The following ARMC8 variants were observed in gnomAD, a reference collection of about 807,000 sequenced individuals.
ARMC8 encodes armadillo repeat-containing protein 8.
A neutral mutation model predicts 99.3 loss-of-function variants in ARMC8; 20 were observed. The ratio of observed to expected loss-of-function variants is 0.20; its 90% CI spans 0.14 to 0.29. The LOEUF is 0.29. Among genes scored for constraint, ARMC8 ranks in the 10% least tolerant of loss-of-function variants. ARMC8 has a pLI of 1.00. For missense variants in ARMC8, 569 were observed against 809.5 expected, an observed-to-expected ratio of 0.70 and a Z score of 3.60; for synonymous variants, 263 against 278.3, an observed-to-expected ratio of 0.95 and a Z score of 0.55.
intron 7 of ARMC8, among the ~76,000 whole-genome samples, chr3:138,236,074 G>A (rs1576715147): frequency 6.6e-6 from 1 of 152,220 alleles, no homozygotes; most frequent in South Asian, 2.1e-4. Flanking sequence ...CCAAAGTGCT[G>A]GGATTACAGG....
intron 12 of ARMC8, among the ~76,000 whole-genome samples, chr3:138,253,368 A>C (rs2047231169): frequency 6.6e-6 from 1 of 152,186 alleles, no homozygotes; most frequent in Non-Finnish European, 1.5e-5. Context: ...CAGATCAGGA[A>C]ATCAGCAATT....
intron 6 of ARMC8, among the ~76,000 whole-genome samples, chr3:138,234,499 T>G (rs2046231689): frequency 6.6e-6 from 1 of 152,224 alleles, no homozygotes; most frequent in Non-Finnish European, 1.5e-5. Flanking sequence ...GTGTTGTGTT[T>G]CCCACTATAG....
At chr3:138,287,575 TATTG>T (rs1025288557) in intron 19 of ARMC8, 1 of 454,918 alleles carries the variant, frequency 2.2e-6, no homozygotes, top group African/African-American at 2.0e-5. Context: ...ATTCAACAAA[TATTG>T]ATTGATTGTC....
intron 12 of ARMC8, among the ~76,000 whole-genome samples, chr3:138,261,023 G>A (rs186965338): frequency 1.4e-3 from 206 of 152,246 alleles, no homozygotes; most frequent in African/African-American, 4.7e-3. Context: ...TGAAACTTTT[G>A]CCCTAGGCTT....
At chr3:138,193,409 T>A (rs1275946663) in intron 1 of ARMC8, among the ~76,000 whole-genome samples, 1 of 151,688 alleles carries the variant, frequency 6.6e-6, no homozygotes, top group Non-Finnish European at 1.5e-5. Flanking sequence ...TACAGGCGTG[T>A]GCCACCGCGC....
At chr3:138,194,668 T>C (rs1468233025) in intron 1 of ARMC8, among the ~76,000 whole-genome samples, 1 of 152,008 alleles carries the variant, frequency 6.6e-6, no homozygotes, top group Admixed American at 6.6e-5. Context: ...GAAAAATAGC[T>C]GTTAGAACTG....
intron 11 of ARMC8, among the ~76,000 whole-genome samples, chr3:138,243,529 T>C (rs1336397240): frequency 2.3e-4 from 35 of 152,208 alleles, no homozygotes; most frequent in Admixed American, 2.3e-3. Flanking sequence ...TTAGAACTTA[T>C]CAAAGTGAGT....
chr3:138,235,072 A>G lies in ARMC8; in HGVS notation c.567A>G (p.Ala189=). ...DHQTILFNHG[A]VQNIAHLLTS... Reference sequence around the variant, plus strand: ...AAACAATTTTATTTAACCACGGTGCAGTTCAGAATATTGCTCACCTACTAA... The same window carrying G: ...AAACAATTTTATTTAACCACGGTGCGGTTCAGAATATTGCTCACCTACTAA... Residue 189 remains alanine (A), a synonymous_variant, in exon 7 of 22, where the codon GCA becomes GCG. Transcript: ENST00000469044. 1 of 1,613,996 alleles carries G rather than the reference A, an allele frequency of 6.2e-7. No homozygotes were observed. Among genetic ancestry groups the G allele is most frequent in the African/African-American group, 1.3e-5 (1 of 75,042 alleles).
intron 3 of ARMC8, 38 bp downstream of exon 3, chr3:138,222,035 C>G (rs756692084): frequency 6.6e-7 from 1 of 1,506,614 alleles, no homozygotes; most frequent in South Asian, 1.1e-5. Flanking sequence ...GCCATTCATA[C>G]TAGTTTCTAA....
At chr3:138,203,857 T>C (rs1280098893) in intron 1 of ARMC8, among the ~76,000 whole-genome samples, 6 of 152,252 alleles carry the variant, frequency 3.9e-5, no homozygotes, top group Admixed American at 3.9e-4. Context: ...TCCCCAGCTC[T>C]CTTATTCATG....
chr3:138,245,830 A>C, intron 12 of ARMC8: 1 of 985,816 alleles, frequency 1.0e-6, no homozygotes, highest in Non-Finnish European at 1.2e-6. Context: ...GTATAGTGGT[A>C]AGTAAGCTCT....
intron 12 of ARMC8, chr3:138,262,304 GT>G: frequency 2.1e-6 from 1 of 481,892 alleles, no homozygotes; most frequent in Non-Finnish European, 3.7e-6. Flanking sequence ...ATGGAATTAG[GT>G]TTGGTCTAGG....
chr3:138,268,241 TAA>T (rs1441408443), intron 15 of ARMC8, among the ~76,000 whole-genome samples: 1 of 151,876 alleles, frequency 6.6e-6, no homozygotes, highest in Non-Finnish European at 1.5e-5. Context: ...AGACTCCATC[TAA>T]AAAATAAAAC....
chr3:138,275,022 T>G (rs1189337393), intron 18 of ARMC8, among the ~76,000 whole-genome samples: 1 of 152,208 alleles, frequency 6.6e-6, no homozygotes, highest in Non-Finnish European at 1.5e-5. Context: ...TTCCATTAAG[T>G]TTCAGGAGGG....
At chr3:138,208,088 GTT>G (rs34408382) in intron 1 of ARMC8, among the ~76,000 whole-genome samples, 1 of 146,450 alleles carries the variant, frequency 6.8e-6, no homozygotes, top group African/African-American at 2.5e-5. Flanking sequence ...CGGCATCTCT[GTT>G]TTTTTTTTTT....
In ARMC8 at chr3:138,263,775, A is replaced by T; in HGVS notation, c.1171A>T (p.Thr391Ser). ...TGAAAATATGATGGACCGAATTGTG[A>T]CTGGCTTGTCTGAGTCTAGTGTCAA... The part of the protein sequence containing the change: ...ETENMMDRIV[T>S]GLSESSVKVR... Residue 391 changes from threonine (T) to serine (S), a missense_variant, in exon 13 of 22, where the codon ACT (threonine) becomes TCT (serine). Physicochemically the swap from Thr to Ser is moderately conservative, Grantham distance 58 (BLOSUM62 1). Transcript: ENST00000469044. The T allele has an allele frequency of 1.2e-6, 2 of 1,614,018 alleles. No individual in the cohort carries two copies. Among genetic ancestry groups the T allele is most frequent in the African/African-American group, 2.7e-5 (2 of 75,042 alleles).
intron 12 of ARMC8, among the ~76,000 whole-genome samples, chr3:138,255,783 C>A (rs1192434617): frequency 6.6e-6 from 1 of 152,136 alleles, no homozygotes; most frequent in African/African-American, 2.4e-5. Flanking sequence ...AGCTCAAGAC[C>A]AGCCTGGCCA....
At chr3:138,213,219 G>C (rs569628428) in intron 2 of ARMC8, among the ~76,000 whole-genome samples, 1 of 152,302 alleles carries the variant, frequency 6.6e-6, no homozygotes, top group South Asian at 2.1e-4. Flanking sequence ...CTGAGTTAGA[G>C]CTATAGATCT....
chr3:138,264,090 T>G, intron 13 of ARMC8, 41 bp from the exon 14 acceptor site: 4 of 1,566,720 alleles, frequency 2.6e-6, no homozygotes, highest in Non-Finnish European at 3.5e-6. Context: ...AAAGTAAAAG[T>G]TTTGATTTCT....
Sources: allele counts gnomAD v4.1 joint callset (sites outside exome capture counted in the v4.1 genomes callset), GRCh38; gene constraint gnomAD v4.1.1; transcripts MANE v1.5; gene names NCBI Gene and HGNC (gene_info 2026-07-23, HGNC 2026-07-21).